COL26A1: variants seen among roughly 807,000 people sequenced by gnomAD.
The protein encoded by COL26A1 is collagen alpha-1(XXVI) chain.
A neutral mutation model predicts 59.3 loss-of-function variants in COL26A1; 41 were observed. The ratio of observed to expected loss-of-function variants is 0.69; its 90% CI spans 0.54 to 0.90. The LOEUF (loss-of-function observed/expected upper bound fraction) is 0.90. Ranked by LOEUF, COL26A1 falls within the 40% of genes least tolerant of loss-of-function variation. The pLI is 0.00. For synonymous variants in COL26A1, 266 were observed against 256.0 expected (o/e 1.04, Z -0.37); for missense variants, 612 against 602.3 (o/e 1.02, Z -0.17).
At chr7:101,498,878 C>T (rs545013604) in intron 3 of COL26A1, among the ~76,000 whole-genome samples, 7 of 152,278 alleles carry the variant, frequency 4.6e-5, no homozygotes, top group African/African-American at 9.6e-5. Flanking sequence ...CCACCGCGCG[C>T]GGCACCCCTG....
In COL26A1 at chr7:101,543,985, C is replaced by T. The variant is rs1364956577; in HGVS notation, c.605-13C>T. 3 of 1,541,982 alleles carry T rather than the reference C, an allele frequency of 1.9e-6. No individual in the cohort carries two copies. Among genetic ancestry groups the T allele is most frequent in the African/African-American group, 1.4e-5 (1 of 73,128 alleles). ...CCACCATGTTCTGATGCCCTGTCTC[C>T]TTCTCTCCCCAGGGCCCCCGGGGCA... On this transcript the variant is annotated splice_polypyrimidine_tract_variant and intron_variant, in intron 5 of 12. Transcript: ENST00000313669.
rs777805805 is a variant in COL26A1 at position 101,422,683 on chromosome 7, C to T, written c.281+2584C>T. On this transcript the variant is annotated intron_variant, in intron 2 of 12. Coordinates refer to ENST00000313669, the MANE Select transcript of COL26A1 (RefSeq NM_001278563.3). ...TTGGAGACAGGATCTTGCTCTGTTG[C>T]CCAGGCTGGAGTGCAGTGGTGCAAT... Among the ~76,000 whole-genome samples, 37 of 152,086 alleles carry T rather than the reference C, an allele frequency of 2.4e-4. 1 individual carries two copies. The highest frequency in any genetic ancestry group is 2.9e-4 in the Non-Finnish European group (20 of 68,022).
rs1563007377 is a variant in COL26A1, at chr7:101,489,666, TTCCTTCCTTC to T, written c.385+41880_385+41889del. ...CTTTCTTTCTTTCTTTCTTTCTTCC[TTCCTTCCTTC>T]CTTCCTTTCTTTCTTTCTTTCTGTC... is the stretch of plus-strand genomic sequence containing the variant. On this transcript the variant is annotated intron_variant, in intron 3 of 12. Coordinates refer to ENST00000313669, the MANE Select transcript of COL26A1 (RefSeq NM_001278563.3). 4.0e-3 allele frequency among the ~76,000 whole-genome samples: 222 copies of T among 54,884 alleles called. 24 individuals carry two copies. The highest frequency in any genetic ancestry group is 0.014 in the African/African-American group (82 of 5,930). 36.0% of individuals were successfully genotyped at this position (54,884 alleles called of 152,430 possible). A position where few individuals can be genotyped will look rare whatever the true frequency, so the allele number is the denominator to read the frequency against.
chr7:101,411,376 C>T (rs1406253136), intron 1 of COL26A1, among the ~76,000 whole-genome samples: 6 of 152,146 alleles, frequency 3.9e-5, no homozygotes, highest in South Asian at 2.1e-4. Flanking sequence ...ACGGCCACGT[C>T]TGTGCTTGAG....
chr7:101,531,720 A>G (rs569495494), intron 3 of COL26A1, among the ~76,000 whole-genome samples: 3 of 149,696 alleles, frequency 2.0e-5, no homozygotes, highest in South Asian at 4.3e-4. Flanking sequence ...ACTCCCCCCA[A>G]CTCCCCGTGG....
At chr7:101,404,578 C>T (rs940385040) in intron 1 of COL26A1, among the ~76,000 whole-genome samples, 1 of 152,190 alleles carries the variant, frequency 6.6e-6, no homozygotes, top group Non-Finnish European at 1.5e-5. Flanking sequence ...CTGCAAACTT[C>T]TAAGCATAGC....
chr7:101,539,752 C>T lies in COL26A1; in HGVS notation c.448-141C>T, dbSNP rs1450529651. The T allele has an allele frequency of 3.7e-6, 3 of 817,698 alleles. No homozygotes were observed. The Admixed American group carries it at 9.8e-5, about 27-fold the overall frequency. 50.7% of individuals were successfully genotyped at this position (817,698 alleles called of 1,614,324 possible). A position where few individuals can be genotyped will look rare whatever the true frequency, so the allele number is the denominator to read the frequency against. On this transcript the variant is annotated intron_variant, in intron 4 of 12. Coordinates refer to ENST00000313669, the MANE Select transcript of COL26A1 (RefSeq NM_001278563.3). ...GAACCTGGGCCACGAGTGAGGTTCT[C>T]CCACTAAGGAGCGTGACGGGGCACA...
rs56666965 is a variant in COL26A1 at position 101,476,142 on chromosome 7, T to TTGTG, written c.385+28388_385+28391dup. ...GGTGCATGCCACCACTCCCAGCTAATTGTGTGTGTGTGTGTGTGTGTGTGT... is the reference window on the plus strand; with the variant it reads ...GGTGCATGCCACCACTCCCAGCTAATTGTGTGTGTGTGTGTGTGTGTGTGTGTGT... On this transcript the variant is annotated intron_variant, in intron 3 of 12. Transcript: ENST00000313669. Among the ~76,000 whole-genome samples, 1,124 of 146,308 alleles carry TTGTG rather than the reference T, an allele frequency of 7.7e-3. 14 individuals carry two copies. Among genetic ancestry groups the TTGTG allele is most frequent in the Middle Eastern group, 0.024 (7 of 292 alleles).
In COL26A1 at chr7:101,411,351, G is replaced by T. The variant is rs759192450; in HGVS notation, c.159-8626G>T. On this transcript the variant is annotated intron_variant, in intron 1 of 12. Coordinates refer to ENST00000313669, the MANE Select transcript of COL26A1 (RefSeq NM_001278563.3). ...TTTCCTGGCTGGAGGGTCAGGGAAG[G>T]CTCGCGGGAGGGACACGGCCACGTC... 8.7e-4 allele frequency among the ~76,000 whole-genome samples: 132 copies of T among 152,146 alleles called. 2 individuals are homozygous for T. The highest frequency in any genetic ancestry group is 2.7e-4 in the African/African-American group (11 of 41,428).
At chr7:101,420,626 C>T (rs1344907344) in intron 2 of COL26A1, among the ~76,000 whole-genome samples, 5 of 151,304 alleles carry the variant, frequency 3.3e-5, no homozygotes. Flanking sequence ...GAGCCCCACC[C>T]TTCACCAGCC....
intron 3 of COL26A1, among the ~76,000 whole-genome samples, chr7:101,501,033 A>G (rs1794693151): frequency 6.7e-6 from 1 of 150,044 alleles, no homozygotes; most frequent in Non-Finnish European, 1.5e-5. Flanking sequence ...AATACAAAAA[A>G]AGTTTAGCCG....
chr7:101,516,714 G>A (rs1485100628), intron 3 of COL26A1, among the ~76,000 whole-genome samples: 1 of 152,164 alleles, frequency 6.6e-6, no homozygotes, highest in Non-Finnish European at 1.5e-5. Flanking sequence ...CTGAGGTTCA[G>A]AGAGCCGAAA....
At chr7:101,412,624 C>T (rs1447825762) in intron 1 of COL26A1, among the ~76,000 whole-genome samples, 1 of 139,816 alleles carries the variant, frequency 7.2e-6, no homozygotes, top group Non-Finnish European at 1.5e-5. Flanking sequence ...CAGCCTGGGC[C>T]ACAGAGCGAG....
intron 3 of COL26A1, among the ~76,000 whole-genome samples, chr7:101,465,897 G>A (rs1177481255): frequency 6.6e-6 from 1 of 152,124 alleles, no homozygotes; most frequent in Non-Finnish European, 1.5e-5. Context: ...CAAGATTGTG[G>A]GAATGAGTGT....
intron 3 of COL26A1, among the ~76,000 whole-genome samples, chr7:101,486,818 C>T (rs1024225550): frequency 6.6e-6 from 1 of 152,184 alleles, no homozygotes; most frequent in Non-Finnish European, 1.5e-5. Flanking sequence ...GGATCAGAAA[C>T]GTAATGGATT....
In COL26A1 at chr7:101,420,033, C is replaced by T. The variant is rs1407929766; in HGVS notation, c.215C>T (p.Ser72Leu). 1.3e-5 allele frequency: 21 copies of T among 1,613,144 alleles called. No individual in the cohort carries two copies. The highest frequency in any genetic ancestry group is 2.7e-5 in the African/African-American group (2 of 74,934). ...GTGTCCTGCCAGGTGCAGAATGGCT[C>T]GGAGACGGTGGTCCAGCGCGTGTAC... ...RTVSCQVQNGSETVVQRVYQS... is the reference protein window; with the variant it reads ...RTVSCQVQNGLETVVQRVYQS... Residue 72 changes from serine to leucine, a missense_variant, in exon 2 of 13, where the codon TCG becomes TTG. Ser to Leu is a moderately radical substitution (Grantham distance 145). Transcript: ENST00000313669.
At chr7:101,479,359 T>C (rs1430314743) in intron 3 of COL26A1, among the ~76,000 whole-genome samples, 1 of 152,222 alleles carries the variant, frequency 6.6e-6, no homozygotes. Flanking sequence ...CAAAAATTAG[T>C]CTTTAGACAT....
At chr7:101,384,729 AG>A (rs1283427276) in intron 1 of COL26A1, among the ~76,000 whole-genome samples, 1 of 152,160 alleles carries the variant, frequency 6.6e-6, no homozygotes, top group Non-Finnish European at 1.5e-5. Context: ...TATATATGAA[AG>A]GGAGTTGATT....
intron 3 of COL26A1, among the ~76,000 whole-genome samples, chr7:101,462,828 A>ACCT (rs1319280862): frequency 6.6e-6 from 1 of 151,864 alleles, no homozygotes; most frequent in Non-Finnish European, 1.5e-5. Flanking sequence ...GCAGACCAGG[A>ACCT]GCCCCATGCC....
Sources: gnomAD v4.1 joint callset for allele counts (sites outside exome capture counted in the v4.1 genomes callset) on GRCh38, gnomAD v4.1.1 for gene constraint, MANE v1.5 for transcripts, NCBI Gene and HGNC (gene_info 2026-07-23, HGNC 2026-07-21) for gene names.